Variants in IGSF10 observed in about 807,000 individuals in gnomAD.
IGSF10 encodes the protein calvaria mechanical force protein 608.
In IGSF10, 126 loss-of-function variants were observed where a neutral mutation model predicts 128.2. That is an observed-to-expected ratio of 0.98 (90% CI 0.85 to 1.14). IGSF10 has a LOEUF of 1.14. Ranked by LOEUF, IGSF10 falls within the 50% of genes most tolerant of loss-of-function variation. The pLI, the probability that IGSF10 is intolerant of heterozygous loss-of-function variation, is 0.00. For missense variants in IGSF10, 3,295 were observed against 3,149.8 expected (o/e 1.05, Z -1.10); for synonymous variants, 1,185 against 1,146.2 (o/e 1.03, Z -0.68).
chr3:151,476,073 A>G, the IGSF10 span: 7 of 152,152 alleles, frequency 4.6e-5, no homozygotes, highest in African/African-American at 1.7e-4. Context: ...GTCATAGTGT[A>G]TCTTTGGATT....
At chr3:151,589,060 T>C in the IGSF10 span, among the ~76,000 whole-genome samples, 1 of 152,208 alleles carries the variant, frequency 6.6e-6, no homozygotes, top group Non-Finnish European at 1.5e-5. Context: ...TCTATAGTTA[T>C]ATAAAATAAA....
the IGSF10 span, among the ~76,000 whole-genome samples, chr3:151,514,529 G>C: frequency 6.6e-6 from 1 of 152,122 alleles, no homozygotes; most frequent in East Asian, 1.9e-4. Flanking sequence ...AGAAAACCTA[G>C]GCAATACCAT....
At chr3:151,571,925 C>T in the IGSF10 span, among the ~76,000 whole-genome samples, 12 of 152,282 alleles carry the variant, frequency 7.9e-5, no homozygotes, top group African/African-American at 2.9e-4. Flanking sequence ...GAGTTTTTAG[C>T]ATGAAGGGCT....
At chr3:151,556,099 C>T in the IGSF10 span, among the ~76,000 whole-genome samples, 14 of 152,238 alleles carry the variant, frequency 9.2e-5, no homozygotes, top group East Asian at 1.4e-3. Context: ...ACAGAGGCCC[C>T]GCTGGTTAGT....
At chr3:151,572,697 GT>G in the IGSF10 span, among the ~76,000 whole-genome samples, 18 of 151,958 alleles carry the variant, frequency 1.2e-4, no homozygotes, top group African/African-American at 4.4e-4. Context: ...TTTTTGAAGG[GT>G]TTTTTTGTGT....
At chr3:151,516,518 T>G in the IGSF10 span, among the ~76,000 whole-genome samples, 1 of 152,000 alleles carries the variant, frequency 6.6e-6, no homozygotes, top group Non-Finnish European at 1.5e-5. Context: ...CCAATGTATG[T>G]GAGAAATTTT....
chr3:151,452,450 C>T (rs1391620826), intron 5 of IGSF10, among the ~76,000 whole-genome samples: 1 of 152,216 alleles, frequency 6.6e-6, no homozygotes, highest in South Asian at 2.1e-4. Flanking sequence ...GAAAAGGTAA[C>T]ATATTGCACT....
chr3:151,498,343 C>T, the IGSF10 span, among the ~76,000 whole-genome samples: 1 of 152,060 alleles, frequency 6.6e-6, no homozygotes, highest in South Asian at 2.1e-4. Context: ...AGATACATTC[C>T]ATCAATACCT....
chr3:151,488,160 T>G, the IGSF10 span, among the ~76,000 whole-genome samples: 1 of 152,012 alleles, frequency 6.6e-6, no homozygotes, highest in Non-Finnish European at 1.5e-5. Context: ...TGTGCAAAAA[T>G]CACAAGCATT....
In IGSF10 at chr3:151,437,173, T is replaced by TCAA; in HGVS notation, c.7387_7388insTTG (p.Asn2463delinsIleAsp). ...ACCACTTGGCATAGTCCATTTGATA[T>TCAA]TTGGCTTAGGGATTCCATCAGACAC... On this transcript the variant is annotated protein_altering_variant, in exon 8 of 8. Transcript: ENST00000282466. 6.2e-7 allele frequency: 1 copy of TCAA among 1,614,204 alleles called. No individual in the cohort carries two copies. The highest frequency in any genetic ancestry group is 8.5e-7 in the Non-Finnish European group (1 of 1,180,030).
intron 6 of IGSF10, 103 bp from the exon 7 acceptor site, chr3:151,443,987 A>G: frequency 1.1e-6 from 1 of 899,928 alleles, no homozygotes; most frequent in Non-Finnish European, 1.6e-6. Flanking sequence ...TTAAATTAAA[A>G]TGAAAGCCCA....
chr3:151,473,338 A>G, the IGSF10 span, among the ~76,000 whole-genome samples: 1 of 152,226 alleles, frequency 6.6e-6, no homozygotes, highest in Admixed American at 6.5e-5. Flanking sequence ...CTGAGACTCC[A>G]AGGGAGGAAT....
chr3:151,528,801 T>G, the IGSF10 span, among the ~76,000 whole-genome samples: 4 of 5,234 alleles, frequency 7.6e-4, no homozygotes, highest in African/African-American at 3.8e-3. Flanking sequence ...GCTGCAGGAG[T>G]TTTTTTTTTT....
At chr3:151,450,459 G>T (rs572371958) in intron 5 of IGSF10, among the ~76,000 whole-genome samples, 1 of 152,282 alleles carries the variant, frequency 6.6e-6, no homozygotes, top group South Asian at 2.1e-4. Flanking sequence ...TCTGACCAAG[G>T]ACACCAAACT....
the IGSF10 span, among the ~76,000 whole-genome samples, chr3:151,562,671 T>C: frequency 6.6e-6 from 1 of 152,100 alleles, no homozygotes; most frequent in African/African-American, 2.4e-5. Context: ...CACAACTTGT[T>C]AGTACCAATG....
chr3:151,543,830 A>G, the IGSF10 span, among the ~76,000 whole-genome samples: 6 of 152,154 alleles, frequency 3.9e-5, no homozygotes, highest in Non-Finnish European at 8.8e-5. Flanking sequence ...ACCTTACAAT[A>G]AGTATCTGTT....
the IGSF10 span, among the ~76,000 whole-genome samples, chr3:151,520,190 T>C: frequency 6.6e-6 from 1 of 151,880 alleles, no homozygotes; most frequent in Admixed American, 6.6e-5. Flanking sequence ...ATTTTGTTGT[T>C]GCCAGCTAAT....
chr3:151,548,017 C>T, the IGSF10 span, among the ~76,000 whole-genome samples: 1 of 152,118 alleles, frequency 6.6e-6, no homozygotes, highest in Non-Finnish European at 1.5e-5. Context: ...TACAATGTGA[C>T]CTTTCTACTC....
At chr3:151,588,530 T>A in the IGSF10 span, among the ~76,000 whole-genome samples, 569 of 152,342 alleles carry the variant, frequency 3.7e-3, 3 homozygotes, top group African/African-American at 0.013. Context: ...ACTAATATTT[T>A]TGTATAATTT....
Sources: gnomAD v4.1 joint callset for allele counts (sites outside exome capture counted in the v4.1 genomes callset) on GRCh38, gnomAD v4.1.1 for gene constraint, MANE v1.5 for transcripts, NCBI Gene and HGNC (gene_info 2026-07-23, HGNC 2026-07-21) for gene names.